PLXNA4: variants seen among roughly 807,000 people sequenced by gnomAD.
The protein encoded by PLXNA4 is plexin A4.
PLXNA4 carries 44 observed loss-of-function variants against 191.8 expected under a neutral mutation model. The ratio of observed to expected loss-of-function variants is 0.23; its 90% CI spans 0.18 to 0.29. PLXNA4 has a LOEUF of 0.29. PLXNA4 is among the 10% of genes least tolerant of loss of function. PLXNA4 has a pLI of 1.00. For missense variants in PLXNA4, 1,800 were observed against 2,488.8 expected (o/e 0.72, Z 5.89); for synonymous variants, 1,082 against 1,009.5 (o/e 1.07, Z -1.36).
chr7:132,303,703 T>A (rs554287953), intron 3 of PLXNA4, among the ~76,000 whole-genome samples: 1 of 152,262 alleles, frequency 6.6e-6, no homozygotes, highest in Non-Finnish European at 1.5e-5. Flanking sequence ...GAGCGACACA[T>A]CCCACACCCA....
rs1447503053 is a variant in PLXNA4, at chr7:132,465,429, T to A, written c.1371+23863A>T. On this transcript the variant is annotated intron_variant, in intron 3 of 31. Transcript: ENST00000321063. ...TTCTGTCTCTAAACTCTAAAAAGTT[T>A]TACAATCTTTGTTCCTGGGGCTTAT... Among the ~76,000 whole-genome samples, 4 of 152,368 alleles carry A rather than the reference T, an allele frequency of 2.6e-5. No homozygotes were observed. In the South Asian group the frequency reaches 8.3e-4, roughly 32 times the overall value.
intron 24 of PLXNA4, among the ~76,000 whole-genome samples, chr7:132,161,818 C>T (rs1211612972): frequency 6.6e-6 from 1 of 152,160 alleles, no homozygotes; most frequent in African/African-American, 2.4e-5. Flanking sequence ...AGGCATCTAG[C>T]ATTGCCTGGT....
chr7:132,390,511 C>T (rs558700568), intron 3 of PLXNA4, among the ~76,000 whole-genome samples: 1 of 152,206 alleles, frequency 6.6e-6, no homozygotes, highest in South Asian at 2.1e-4. Context: ...CACATGTATA[C>T]CTATGTAACA....
chr7:132,231,894 G>C (rs1562981551), intron 5 of PLXNA4, among the ~76,000 whole-genome samples: 3 of 152,220 alleles, frequency 2.0e-5, no homozygotes, highest in Admixed American at 6.5e-5. Context: ...CTTACTAGTT[G>C]TCAAAGGGTA....
At position 132,489,417 on chromosome 7, in the gene PLXNA4, A is replaced by T. The variant is rs1454356852; in HGVS notation, c.1246T>A (p.Ser416Thr). The T allele has an allele frequency of 6.2e-7, 1 of 1,603,302 alleles. No homozygotes were observed. Among genetic ancestry groups the T allele is most frequent in the Non-Finnish European group, 8.5e-7 (1 of 1,170,986 alleles). The change falls in exon 3 of 32, where the codon TCC becomes ACC. Residue 416 changes from serine (S) to threonine (T), a missense_variant. Physicochemically the swap from Ser to Thr is moderately conservative, Grantham distance 58. Around this residue, in one of 6 missense-constraint regions of PLXNA4, gnomAD observed 1,397 missense variants for 1,880.4 expected, o/e 0.74. Transcript: ENST00000321063. ...GLDMNAPLGV[S>T]DMVRGIPVFT... ...ACGGGAATTCCACGCACCATGTCGG[A>T]CACTCCCAGGGGAGCATTCATGTCC...
At chr7:132,365,361 G>GTGTGCGCGCA (rs869294908) in intron 3 of PLXNA4, among the ~76,000 whole-genome samples, 5 of 91,734 alleles carry the variant, frequency 5.5e-5, no homozygotes, top group African/African-American at 2.4e-4. Flanking sequence ...GTGTGTGTGT[G>GTGTGCGCGCA]CGTGCGCGCG....
intron 4 of PLXNA4, among the ~76,000 whole-genome samples, chr7:132,253,345 C>G (rs563660239): frequency 4.6e-5 from 7 of 151,374 alleles, no homozygotes; most frequent in African/African-American, 1.7e-4. Context: ...AAGCAATTAT[C>G]CCACCTCAGC....
chr7:132,302,628 A>G (rs1025313529), intron 3 of PLXNA4, among the ~76,000 whole-genome samples: 4 of 151,240 alleles, frequency 2.6e-5, no homozygotes, highest in African/African-American at 7.3e-5. Context: ...GACAAGCAGA[A>G]GCCATCATCT....
At chr7:132,611,907 T>C (rs1243524055) in intron 2 of PLXNA4, among the ~76,000 whole-genome samples, 2 of 151,936 alleles carry the variant, frequency 1.3e-5, no homozygotes, top group African/African-American at 4.8e-5. Context: ...AGGGAAAGAG[T>C]CCAGGGGCTC....
chr7:132,496,751 C>A (rs1798030345), intron 2 of PLXNA4, among the ~76,000 whole-genome samples: 2 of 152,008 alleles, frequency 1.3e-5, no homozygotes, highest in Non-Finnish European at 2.9e-5. Flanking sequence ...GAGGGTGGTC[C>A]CAAAGACAAT....
chr7:132,301,453 G>T (rs1801302885), intron 3 of PLXNA4, among the ~76,000 whole-genome samples: 1 of 150,756 alleles, frequency 6.6e-6, no homozygotes, highest in Non-Finnish European at 1.5e-5. Flanking sequence ...AGTAAAGTAA[G>T]CATTAATATT....
Position 132,588,689 on chromosome 7 carries a change from AGGGAG to A in PLXNA4, c.-87+57234_-87+57238del, listed in dbSNP as rs1269416544. 1.4e-4 allele frequency among the ~76,000 whole-genome samples: 4 copies of A among 29,140 alleles called. No individual in the cohort carries two copies. The East Asian group carries it at 5.6e-3, about 40-fold the overall frequency. The allele number at this position is 29,140 out of a possible 152,430, so 19.1% of individuals were successfully genotyped here. The stretch of plus-strand genomic sequence containing the variant: ...GGGAAGGGAAGGGAAGGGAGGAGGG[AGGGAG>A]GGAGGGAGGGGAGAGGAAGAAAAAA... On this transcript the variant is annotated intron_variant, in intron 2 of 4. Coordinates refer to the PLXNA4 transcript ENST00000378539.
chr7:132,257,489 C>G (rs1278811395), intron 4 of PLXNA4, among the ~76,000 whole-genome samples: 1 of 152,202 alleles, frequency 6.6e-6, no homozygotes, highest in African/African-American at 2.4e-5. Flanking sequence ...TGTCTGACTT[C>G]ATGAGACTTT....
chr7:132,593,329 T>C (rs1802639682), intron 2 of PLXNA4, among the ~76,000 whole-genome samples: 1 of 151,826 alleles, frequency 6.6e-6, no homozygotes, highest in Non-Finnish European at 1.5e-5. Flanking sequence ...AAAATCCACA[T>C]AATGGTCATT....
At chr7:132,297,575 CAA>C (rs1159252057) in intron 4 of PLXNA4, among the ~76,000 whole-genome samples, 1 of 152,294 alleles carries the variant, frequency 6.6e-6, no homozygotes, top group East Asian at 1.9e-4. Flanking sequence ...GGAGTTTCCA[CAA>C]AGAGTTGTAT....
intron 4 of PLXNA4, among the ~76,000 whole-genome samples, chr7:132,294,819 CAT>C (rs1272941570): frequency 1.3e-5 from 2 of 152,094 alleles, no homozygotes. Context: ...GAGTAGGACA[CAT>C]AGAGAAACAC....
At chr7:132,311,193 T>TGTGTGTGTGTGTGTGTGCGC (rs71178034) in intron 3 of PLXNA4, among the ~76,000 whole-genome samples, 212 of 89,896 alleles carry the variant, frequency 2.4e-3, no homozygotes, top group Middle Eastern at 0.011. Flanking sequence ...TGTGTGTGTG[T>TGTGTGTGTGTGTGTGTGCGC]GCGCGTGTGG....
intron 3 of PLXNA4, among the ~76,000 whole-genome samples, chr7:132,313,242 T>G (rs1352324928): frequency 3.3e-5 from 5 of 152,076 alleles, no homozygotes; most frequent in African/African-American, 7.3e-5. Context: ...TTATTTAATG[T>G]GTTTCAAGGA....
chr7:132,321,490 C>T (rs1194675527), intron 3 of PLXNA4, among the ~76,000 whole-genome samples: 1 of 152,046 alleles, frequency 6.6e-6, no homozygotes, highest in African/African-American at 2.4e-5. Context: ...ATGAGCAACT[C>T]CCATAAACAG....
Sources: gnomAD v4.1 joint callset for allele counts (sites outside exome capture counted in the v4.1 genomes callset) on GRCh38, gnomAD v4.1.1 for gene constraint, gnomAD v4.1.1 regional missense constraint, MANE v1.5 for transcripts, NCBI Gene and HGNC (gene_info 2026-07-23, HGNC 2026-07-21) for gene names.